The following GRIN3A variants were observed in gnomAD, a reference collection of about 807,000 sequenced individuals.
GRIN3A encodes the protein glutamate ionotropic receptor NMDA type subunit 3A, also known as glutamate receptor ionotropic, NMDA 3A.
In GRIN3A, 47 loss-of-function variants were observed where a neutral mutation model predicts 92.4. The observed-to-expected ratio is 0.51, with a 90% confidence interval of 0.40 to 0.65. GRIN3A has a LOEUF of 0.65. Among genes scored for constraint, GRIN3A ranks in the 30% least tolerant of loss-of-function variants. The probability of loss-of-function intolerance (pLI) is 0.00; values close to 1 mark genes in which losing one functional copy is unlikely to be tolerated. For synonymous variants in GRIN3A, 527 were observed against 540.6 expected (o/e 0.97, Z 0.35); for missense variants, 1,324 against 1,393.1 (o/e 0.95, Z 0.79).
In GRIN3A at chr9:101,577,634, T is replaced by C. The variant is rs1815440377; in HGVS notation, c.3008+134A>G. Reference sequence around the variant, plus strand: ...TTTAGTGTCCATATACATTTTTTATTTTATGTTTTATTTCCCTCTATTTAT... The same window carrying C: ...TTTAGTGTCCATATACATTTTTTATCTTATGTTTTATTTCCCTCTATTTAT... On this transcript the variant is annotated intron_variant, in intron 8 of 8. Transcript: ENST00000361820. The C allele has an allele frequency of 8.2e-6, 6 of 733,866 alleles. No individual in the cohort carries two copies. In the South Asian group the frequency reaches 8.9e-5, roughly 11 times the overall value. 45.5% of individuals were successfully genotyped at this position (733,866 alleles called of 1,614,324 possible).
intron 6 of GRIN3A, among the ~76,000 whole-genome samples, chr9:101,603,514 A>C (rs10118872): frequency 2.0e-5 from 3 of 152,190 alleles, no homozygotes; most frequent in Non-Finnish European, 2.9e-5. Flanking sequence ...CTGGGAGTCA[A>C]ATCCTGGTAT....
chr9:101,636,405 T>C (rs1369568332), intron 3 of GRIN3A, among the ~76,000 whole-genome samples: 3 of 152,228 alleles, frequency 2.0e-5, no homozygotes, highest in Non-Finnish European at 4.4e-5. Flanking sequence ...CTTTGTTGAA[T>C]GCTCACGGCA....
chr9:101,654,611 T>G (rs1025748068), intron 3 of GRIN3A, among the ~76,000 whole-genome samples: 11 of 151,750 alleles, frequency 7.2e-5, no homozygotes, highest in Admixed American at 7.2e-4. Context: ...CTTCAAGGTC[T>G]CTTTTTTTTT....
chr9:101,596,151 A>G (rs1395788285), intron 6 of GRIN3A, among the ~76,000 whole-genome samples: 1 of 152,186 alleles, frequency 6.6e-6, no homozygotes, highest in Non-Finnish European at 1.5e-5. Flanking sequence ...TCTGTGTTCT[A>G]TAGTTCAGCC....
At chr9:101,669,965 G>T in intron 3 of GRIN3A, 95 bp downstream of exon 3, 1 of 956,130 alleles carries the variant, frequency 1.0e-6, no homozygotes, top group Non-Finnish European at 1.7e-6. Context: ...ATATTCCTGT[G>T]TTAGATGGAA....
chr9:101,659,830 G>T (rs1314005702), intron 3 of GRIN3A, among the ~76,000 whole-genome samples: 1 of 151,780 alleles, frequency 6.6e-6, no homozygotes, highest in African/African-American at 2.4e-5. Context: ...CTATTTGAAA[G>T]TAATACAACT....
At chr9:101,640,662 G>T (rs1414170931) in intron 3 of GRIN3A, among the ~76,000 whole-genome samples, 1 of 152,152 alleles carries the variant, frequency 6.6e-6, no homozygotes, top group Non-Finnish European at 1.5e-5. Context: ...TTGTGGGAGG[G>T]ACCCAATGGG....
In GRIN3A at chr9:101,670,156, G is replaced by A. The variant is rs267602060; in HGVS notation, c.2256C>T (p.Phe752=). ...GRFLMNLWAI[F]CMFCLSTYTA... is the part of the protein sequence containing the mutation. ...TGTATGTGGAAAGGCAAAACATACA[G>A]AAAATGGCCCAAAGGTTCATTAGAA... The change falls in exon 3 of 9, where the codon TTC becomes TTT. Residue 752 remains phenylalanine, a synonymous_variant. Transcript: ENST00000361820. The A allele has an allele frequency of 1.2e-6, 2 of 1,613,750 alleles. No individual in the cohort carries two copies. Among genetic ancestry groups the A allele is most frequent in the Non-Finnish European group, 1.7e-6 (2 of 1,179,756 alleles).
In GRIN3A at chr9:101,686,735, C is replaced by T. The variant is rs200120504; in HGVS notation, c.1165G>A (p.Val389Ile). The change falls in exon 2 of 9, where the codon GTA becomes ATA. Residue 389 changes from valine to isoleucine, a missense_variant. Physicochemically the swap from Val to Ile is conservative, Grantham distance 29 (BLOSUM62 3). Coordinates refer to ENST00000361820, the MANE Select transcript of GRIN3A (RefSeq NM_133445.3). ...KTTQSVFEHYVQDAMELVARA... is the reference protein window; with the variant it reads ...KTTQSVFEHYIQDAMELVARA... Reference sequence around the variant, plus strand: ...GCGACCAGCTCCATAGCATCTTGTACGTAGTGCTCAAAGACAGACTGTGTT... The same window carrying T: ...GCGACCAGCTCCATAGCATCTTGTATGTAGTGCTCAAAGACAGACTGTGTT... 142 of 1,614,148 alleles carry T rather than the reference C, an allele frequency of 8.8e-5. No individual in the cohort carries two copies. Among genetic ancestry groups the T allele is most frequent in the East Asian group, 8.0e-4 (36 of 44,868 alleles).
At chr9:101,691,695 C>A (rs935497986) in intron 1 of GRIN3A, among the ~76,000 whole-genome samples, 1 of 152,216 alleles carries the variant, frequency 6.6e-6, no homozygotes, top group Non-Finnish European at 1.5e-5. Context: ...GCATTGTCCT[C>A]TTCAGCAGGT....
At position 101,673,981 on chromosome 9, in the gene GRIN3A, T is replaced by C. The variant is rs952675294; in HGVS notation, c.1305-2874A>G. On this transcript the variant is annotated intron_variant, in intron 2 of 8. Transcript: ENST00000361820. ...TTCTACTATAGGGTGCCAAGGAAAG[T>C]TTCGTAGAGGAGGAAGTGCCAGAGC... Among the ~76,000 whole-genome samples, 44 of 151,964 alleles carry C rather than the reference T, an allele frequency of 2.9e-4. 1 individual carries two copies. The highest frequency in any genetic ancestry group is 2.1e-4 in the South Asian group (1 of 4,812).
At chr9:101,694,517 C>G (rs1378102278) in intron 1 of GRIN3A, among the ~76,000 whole-genome samples, 1 of 152,096 alleles carries the variant, frequency 6.6e-6, no homozygotes, top group African/African-American at 2.4e-5. Context: ...ATACCCAACT[C>G]ATTCATCTAC....
In GRIN3A at chr9:101,572,881, G is replaced by A; in HGVS notation, c.*293C>T. On this transcript the variant is annotated 3_prime_UTR_variant, in exon 9 of 9. Transcript: ENST00000361820. ...AACCAGAAATATTACTGTGGCACCTGGTGAAAAGGTTAACGGCAGCTGGGG... is the reference window on the plus strand; with the variant it reads ...AACCAGAAATATTACTGTGGCACCTAGTGAAAAGGTTAACGGCAGCTGGGG... 2.5e-6 allele frequency: 1 copy of A among 406,322 alleles called. No individual in the cohort carries two copies. Among genetic ancestry groups the A allele is most frequent in the African/African-American group, 2.0e-5 (1 of 49,804 alleles). 25.2% of individuals were successfully genotyped at this position (406,322 alleles called of 1,614,324 possible).
At chr9:101,719,365 G>A (rs537098491) in intron 1 of GRIN3A, among the ~76,000 whole-genome samples, 1 of 151,058 alleles carries the variant, frequency 6.6e-6, no homozygotes, top group Admixed American at 6.6e-5. Flanking sequence ...GTTGCAGTGA[G>A]CTGAGATTGC....
chr9:101,617,631 T>TTGTG (rs547650315), intron 5 of GRIN3A, among the ~76,000 whole-genome samples: 17 of 151,524 alleles, frequency 1.1e-4, no homozygotes, highest in Non-Finnish European at 1.9e-4. Context: ...TTTATTTATT[T>TTGTG]TGTGTGTGTG....
At chr9:101,575,427 T>C (rs192264880) in intron 8 of GRIN3A, among the ~76,000 whole-genome samples, 240 of 152,268 alleles carry the variant, frequency 1.6e-3, no homozygotes, top group African/African-American at 5.7e-3. Flanking sequence ...AATTTTTGTG[T>C]GTCTTGGGGT....
chr9:101,686,793 AC>A lies in GRIN3A; in HGVS notation c.1106del (p.Gly369ValfsTer4), dbSNP rs1336395626. 1 of 1,614,150 alleles carries A rather than the reference AC, an allele frequency of 6.2e-7. No homozygotes were observed. The highest frequency in any genetic ancestry group is 8.5e-7 in the Non-Finnish European group (1 of 1,180,010). The part of the protein sequence containing the change: ...SQNVEELRTE[G>X]LPLGLIAHGK... ...CATGAGCAATGAGCCCTAAGGGCAGACCCTCTGTCCTCAGTTCCTCCACATT... is the reference window on the plus strand; with the variant it reads ...CATGAGCAATGAGCCCTAAGGGCAGACCTCTGTCCTCAGTTCCTCCACATT... On this transcript the variant is annotated frameshift_variant, in exon 2 of 9. Transcript: ENST00000361820. LOFTEE classifies it high-confidence loss of function.
At chr9:101,587,203 G>A (rs1484493951) in intron 6 of GRIN3A, among the ~76,000 whole-genome samples, 10 of 151,812 alleles carry the variant, frequency 6.6e-5, no homozygotes, top group South Asian at 2.1e-4. Flanking sequence ...CCAGCTACTC[G>A]GGAGGCTGAG....
chr9:101,603,591 C>A (rs981326784), intron 6 of GRIN3A, among the ~76,000 whole-genome samples: 1 of 152,100 alleles, frequency 6.6e-6, no homozygotes, highest in Admixed American at 6.6e-5. Context: ...GAAAAGATGT[C>A]CCTGCCTTTG....
Sources: allele counts gnomAD v4.1 joint callset (sites outside exome capture counted in the v4.1 genomes callset), GRCh38; gene constraint gnomAD v4.1.1; transcripts MANE v1.5; gene names NCBI Gene and HGNC (gene_info 2026-07-23, HGNC 2026-07-21).